Variants in PPP1R15B observed in about 807,000 individuals in gnomAD.
PPP1R15B encodes protein phosphatase 1, regulatory (inhibitor) subunit 15B.
In PPP1R15B, 31 loss-of-function variants were observed where a neutral mutation model predicts 53.9. The ratio of observed to expected loss-of-function variants is 0.58; its 90% confidence interval spans 0.43 to 0.78. The LOEUF is 0.78. PPP1R15B is among the 30% of genes least tolerant of loss of function. PPP1R15B has a pLI of 0.00. For synonymous variants in PPP1R15B, 345 were observed against 329.1 expected, an observed-to-expected ratio of 1.05 and a Z score of -0.52; for missense variants, 928 against 849.6, an observed-to-expected ratio of 1.09 and a Z score of -1.15.
chr1:204,397,917 C>T (rs898226216), downstream of PPP1R15B, among the ~76,000 whole-genome samples: 3 of 151,074 alleles, frequency 2.0e-5, no homozygotes, highest in Non-Finnish European at 4.4e-5. Context: ...AAATCAAATA[C>T]TACAAATACA....
rs779920714 is a variant in PPP1R15B, at chr1:204,409,714, G to A, written c.1698C>T (p.Tyr566=). 1.2e-6 allele frequency: 2 copies of A among 1,614,108 alleles called. No homozygotes were observed. Among genetic ancestry groups the A allele is most frequent in the Admixed American group, 1.7e-5 (1 of 60,020 alleles). The change falls in exon 1 of 2, where the codon TAC becomes TAT. Residue 566 remains tyrosine (Y), a synonymous_variant. Transcript: ENST00000367188. ...WNSFCNSDDP[Y]NPLNFKAPFQ... is the part of the protein sequence containing the mutation. ...AAGGAGCCTTAAAATTTAAAGGGTT[G>A]TAGGGGTCATCAGAATTACAGAATG...
rs1674347208 is a variant in PPP1R15B at position 204,410,434 on chromosome 1, C to T, written c.978G>A (p.Glu326=). The T allele has an allele frequency of 6.2e-7, 1 of 1,614,112 alleles. No individual in the cohort carries two copies. Among genetic ancestry groups the T allele is most frequent in the African/African-American group, 1.3e-5 (1 of 74,952 alleles). ...PDQDNGYHSL[E]EEHSLLRMDP... is the part of the protein sequence containing the mutation. ...CCATCCGGAGAAGGCTGTGTTCCTCCTCCAGGCTGTGGTAGCCATTATCCT... is the reference window on the plus strand; with the variant it reads ...CCATCCGGAGAAGGCTGTGTTCCTCTTCCAGGCTGTGGTAGCCATTATCCT... Residue 326 remains glutamate, a synonymous_variant, in exon 1 of 2, where the codon GAG becomes GAA. Coordinates refer to ENST00000367188, the MANE Select transcript of PPP1R15B (RefSeq NM_032833.5).
chr1:204,409,088 T>C (rs993237808), intron 1 of PPP1R15B, among the ~76,000 whole-genome samples: 1 of 152,224 alleles, frequency 6.6e-6, no homozygotes, highest in Non-Finnish European at 1.5e-5. Flanking sequence ...GCAGACAACA[T>C]ACATTTAAAA....
Position 204,403,503 on chromosome 1 carries a change from C to G in PPP1R15B, c.*2589G>C, listed in dbSNP as rs1316519058. 1 of 935,812 alleles carries G rather than the reference C, an allele frequency of 1.1e-6. No individual in the cohort carries two copies. The highest frequency in any genetic ancestry group is 1.3e-6 in the Non-Finnish European group (1 of 784,634). 58.0% of individuals were successfully genotyped at this position (935,812 alleles called of 1,614,324 possible). A position where few individuals can be genotyped will look rare whatever the true frequency, so the allele number is the denominator to read the frequency against. ...CATTTAAATTATTGATCTGTAGAAG[C>G]CAATTTAGAGTCTTCTAGTCCCCTA... On this transcript the variant is annotated 3_prime_UTR_variant, in exon 2 of 2. Coordinates refer to ENST00000367188, the MANE Select transcript of PPP1R15B (RefSeq NM_032833.5).
downstream of PPP1R15B, among the ~76,000 whole-genome samples, chr1:204,400,486 CTT>C (rs11442135): frequency 3.5e-5 from 5 of 143,422 alleles, no homozygotes; most frequent in East Asian, 2.0e-4. Context: ...ATTTCTTTTT[CTT>C]TTTTTTTTTT....
At chr1:204,398,662 G>A (rs951077473), downstream of PPP1R15B, among the ~76,000 whole-genome samples, 14 of 152,090 alleles carry the variant, frequency 9.2e-5, no homozygotes, top group Admixed American at 8.5e-4. Context: ...CACCTCCAGG[G>A]GAGCAATAGC....
rs2103442488 is a variant in PPP1R15B, at chr1:204,404,140, T to C, written c.*1952A>G. 1 of 985,400 alleles carries C rather than the reference T, an allele frequency of 1.0e-6. No individual in the cohort carries two copies. Among genetic ancestry groups the C allele is most frequent in the African/African-American group, 1.7e-5 (1 of 57,350 alleles). The allele number at this position is 985,400 out of a possible 1,614,324, so 61.0% of individuals were successfully genotyped here. ...GCTTTCCAACCGACATTGCTGTTGCTTGAAACTAGCCTGTTTTCATGTTAT... is the reference window on the plus strand; with the variant it reads ...GCTTTCCAACCGACATTGCTGTTGCCTGAAACTAGCCTGTTTTCATGTTAT... On this transcript the variant is annotated 3_prime_UTR_variant, in exon 2 of 2. Coordinates refer to ENST00000367188, the MANE Select transcript of PPP1R15B (RefSeq NM_032833.5).
Position 204,411,105 on chromosome 1 carries a change from A to G in PPP1R15B, c.307T>C (p.Tyr103His), listed in dbSNP as rs771399003. The G allele has an allele frequency of 6.2e-7, 1 of 1,614,208 alleles. No individual in the cohort carries two copies. The highest frequency in any genetic ancestry group is 8.5e-7 in the Non-Finnish European group (1 of 1,180,026). Residue 103 changes from tyrosine (Y) to histidine (H), a missense_variant, in exon 1 of 2, where the codon TAC (tyrosine) becomes CAC (histidine). Coordinates refer to ENST00000367188, the MANE Select transcript of PPP1R15B (RefSeq NM_032833.5). Reference sequence around the variant, plus strand: ...CCCTTCAGGGCTCTCAGGGCGCTGTAGACTCCAGCAAAATCTAGCCATCTG... The same window carrying G: ...CCCTTCAGGGCTCTCAGGGCGCTGTGGACTCCAGCAAAATCTAGCCATCTG... ...PTRWLDFAGVYSALRALKGRE... is the reference protein window; with the variant it reads ...PTRWLDFAGVHSALRALKGRE...
chr1:204,408,405 G>A (rs1674302428), intron 1 of PPP1R15B, among the ~76,000 whole-genome samples: 1 of 152,320 alleles, frequency 6.6e-6, no homozygotes, highest in African/African-American at 2.4e-5. Context: ...TGCCCTAAAG[G>A]TAAGACGTAA....
In PPP1R15B at chr1:204,411,239, G is replaced by A. The variant is rs750951846; in HGVS notation, c.173C>T (p.Thr58Ile). The change falls in exon 1 of 2, where the codon ACT becomes ATT. Residue 58 changes from threonine to isoleucine, a missense_variant. Physicochemically the swap from Thr to Ile is moderately conservative, Grantham distance 89. Coordinates refer to ENST00000367188, the MANE Select transcript of PPP1R15B (RefSeq NM_032833.5). ...PTLLSSAQPETRVSYWTKLLS... is the reference protein window; with the variant it reads ...PTLLSSAQPEIRVSYWTKLLS... ...CAGTTTCGTCCAGTAACTGACCCGA[G>A]TCTCGGGCTGGGCAGAGGAAAGCAG... The A allele has an allele frequency of 5.0e-6, 8 of 1,614,276 alleles. No homozygotes were observed. The highest frequency in any genetic ancestry group is 2.2e-5 in the East Asian group (1 of 44,894).
Position 204,411,684 on chromosome 1 carries a change from A to G in PPP1R15B, c.-273T>C. 1.8e-6 allele frequency: 1 copy of G among 557,154 alleles called. No individual in the cohort carries two copies. Among genetic ancestry groups the G allele is most frequent in the Admixed American group, 3.2e-5 (1 of 31,074 alleles). 34.5% of individuals were successfully genotyped at this position (557,154 alleles called of 1,614,324 possible). On this transcript the variant is annotated 5_prime_UTR_variant, in exon 1 of 2. Transcript: ENST00000367188. The stretch of plus-strand genomic sequence containing the variant: ...GTTCCCTAGTCGGCTCGACGCTTCA[A>G]CACCATGGATAGGAGTCCCCCCACG...
intron 1 of PPP1R15B, among the ~76,000 whole-genome samples, chr1:204,406,708 C>T (rs932280457): frequency 1.3e-5 from 2 of 151,298 alleles, no homozygotes; most frequent in South Asian, 2.1e-4. Context: ...GCCAATATCG[C>T]GCCACTACAC....
chr1:204,401,057 C>T (rs575342154), downstream of PPP1R15B, among the ~76,000 whole-genome samples: 2 of 152,350 alleles, frequency 1.3e-5, no homozygotes, highest in Middle Eastern at 3.4e-3. Flanking sequence ...ATTAAGGCGT[C>T]TGCCAGTGGT....
At chr1:204,400,991 T>C (rs1674170721), downstream of PPP1R15B, among the ~76,000 whole-genome samples, 1 of 152,238 alleles carries the variant, frequency 6.6e-6, no homozygotes, top group Non-Finnish European at 1.5e-5. Flanking sequence ...ATCCTCCCCA[T>C]GGGTCAAGCA....
rs869025335 is a variant in PPP1R15B at position 204,406,262 on chromosome 1, G to A, written c.1972C>T (p.Arg658Cys). The A allele has an allele frequency of 2.5e-6, 4 of 1,614,012 alleles. No homozygotes were observed. The highest frequency in any genetic ancestry group is 3.4e-6 in the Non-Finnish European group (4 of 1,179,976). Residue 658 changes from arginine to cysteine, a missense_variant, in exon 2 of 2, where the codon CGC becomes TGC. Transcript: ENST00000367188. ...TEYYISGDED[R>C]KGPWEEFARD... ...GCAAATTCTTCCCATGGTCCTTTGC[G>A]ATCCTCATCACCACTTATATAATAC...
rs1674253009 is a variant in PPP1R15B, at chr1:204,405,675, A to C, written c.*417T>G. 2 of 985,054 alleles carry C rather than the reference A, an allele frequency of 2.0e-6. No homozygotes were observed. Among genetic ancestry groups the C allele is most frequent in the Non-Finnish European group, 1.2e-6 (1 of 828,896 alleles). The allele number at this position is 985,054 out of a possible 1,614,324, so 61.0% of individuals were successfully genotyped here. ...ATTAACTTCTGAATTTTGGGAAAGA[A>C]ACAAGAAAGAGCCCAAAGTTTTCAG... On this transcript the variant is annotated 3_prime_UTR_variant, in exon 2 of 2. Transcript: ENST00000367188.
chr1:204,404,247 G>A lies in PPP1R15B; in HGVS notation c.*1845C>T. The A allele has an allele frequency of 1.0e-6, 1 of 982,664 alleles. No homozygotes were observed. Among genetic ancestry groups the A allele is most frequent in the South Asian group, 4.7e-5 (1 of 21,206 alleles). The allele number at this position is 982,664 out of a possible 1,614,324, so 60.9% of individuals were successfully genotyped here. A position where few individuals can be genotyped will look rare whatever the true frequency, so the allele number is the denominator to read the frequency against. ...ACACAGAATCCCAGCACTTTGAGAGGCCGAGGCGGGCGGATCACGAGGTCA... is the reference window on the plus strand; with the variant it reads ...ACACAGAATCCCAGCACTTTGAGAGACCGAGGCGGGCGGATCACGAGGTCA... On this transcript the variant is annotated 3_prime_UTR_variant, in exon 2 of 2. Transcript: ENST00000367188.
Position 204,405,652 on chromosome 1 carries a change from T to G in PPP1R15B, c.*440A>C. The stretch of plus-strand genomic sequence containing the variant: ...AATATAGAAAAACATAAAAGCCCAT[T>G]AACTTCTGAATTTTGGGAAAGAAAC... On this transcript the variant is annotated 3_prime_UTR_variant, in exon 2 of 2. Transcript: ENST00000367188. 8.1e-6 allele frequency: 8 copies of G among 983,382 alleles called. No homozygotes were observed. Among genetic ancestry groups the G allele is most frequent in the Non-Finnish European group, 9.7e-6 (8 of 827,670 alleles). The allele number at this position is 983,382 out of a possible 1,614,324, so 60.9% of individuals were successfully genotyped here.
chr1:204,402,593 T>TG (rs144476558), downstream of PPP1R15B, among the ~76,000 whole-genome samples: 533 of 146,208 alleles, frequency 3.6e-3, 2 homozygotes, highest in Middle Eastern at 0.038. Context: ...AGTTTTTTTG[T>TG]TTTTTTTTGT....
Sources: allele counts gnomAD v4.1 joint callset (sites outside exome capture counted in the v4.1 genomes callset), GRCh38; gene constraint gnomAD v4.1.1; transcripts MANE v1.5; gene names NCBI Gene and HGNC (gene_info 2026-07-23, HGNC 2026-07-21).